The following TXNL4A variants were observed in gnomAD, a reference collection of about 807,000 sequenced individuals.
The protein encoded by TXNL4A is thioredoxin like 4A, also known as thioredoxin-like protein 4A.
Under a neutral mutation model 14.6 loss-of-function variants are expected in TXNL4A, and 17 were observed. The ratio of observed to expected loss-of-function variants is 1.16; its 90% CI spans 0.80 to 1.74. The LOEUF is 1.74. Ranked by LOEUF, TXNL4A falls within the 40% of genes most tolerant of loss-of-function variation. The probability of loss-of-function intolerance (pLI) is 0.00; values close to 1 mark genes in which losing one functional copy is unlikely to be tolerated. For missense variants in TXNL4A, 74 were observed against 195.2 expected (o/e 0.38, Z 3.70); for synonymous variants, 83 against 70.6 (o/e 1.18, Z -0.88).
At chr18:79,978,180 A>G (rs2051408705) in intron 1 of TXNL4A, among the ~76,000 whole-genome samples, 1 of 152,100 alleles carries the variant, frequency 6.6e-6, no homozygotes, top group South Asian at 2.1e-4. Context: ...CACTCAGGTA[A>G]CAAGTTATCA....
rs2145089945 is a variant in TXNL4A at position 79,988,376 on chromosome 18, G to A, written c.17C>T (p.Pro6Leu). Residue 6 changes from proline to leucine, a missense_variant, in exon 1 of 3, where the codon CCG becomes CTG. Pro to Leu is a moderately conservative substitution (Grantham distance 98). This residue lies in a region of TXNL4A where 55 missense variants were observed against 116.1 expected (regional missense o/e 0.47). Coordinates refer to ENST00000269601, the MANE Select transcript of TXNL4A (RefSeq NM_006701.5). ...CACCTGCCAGCCGTTGTGCAGGTGC[G>A]GGAGCATGTACGACATGGCGGCCCG... is the stretch of plus-strand genomic sequence containing the variant. MSYMLPHLHNGWQVDQ... is the reference protein window; with the variant it reads MSYMLLHLHNGWQVDQ... The A allele has an allele frequency of 6.5e-7, 1 of 1,530,282 alleles. No individual in the cohort carries two copies. 94.8% of individuals were successfully genotyped at this position (1,530,282 alleles called of 1,614,324 possible).
chr18:80,021,855 C>G (rs1254242064), intron 1 of TXNL4A, among the ~76,000 whole-genome samples: 1 of 152,140 alleles, frequency 6.6e-6, no homozygotes, highest in Non-Finnish European at 1.5e-5. Context: ...GAATTTGGAC[C>G]AGTATAACAG....
In TXNL4A at chr18:80,015,357, T is replaced by TTATTAG. The variant is rs1226630139; in HGVS notation, c.-61+18493_-61+18494insCTAATA. Reference sequence around the variant, plus strand: ...TAAAACAAAATGCTTTTTTAAAAAATTATTATTATTATTATTATTATACTT... The same window carrying TTATTAG: ...TAAAACAAAATGCTTTTTTAAAAAATTATTAGTATTATTATTATTATTATTATACTT... On this transcript the variant is annotated intron_variant, in intron 1 of 2. Transcript: ENST00000585474. Among the ~76,000 whole-genome samples, 4 of 149,772 alleles carry TTATTAG rather than the reference T, an allele frequency of 2.7e-5. No homozygotes were observed. In the East Asian group the frequency reaches 7.8e-4, roughly 29 times the overall value.
intron 1 of TXNL4A, among the ~76,000 whole-genome samples, chr18:80,017,663 A>T (rs2051821189): frequency 6.7e-6 from 1 of 149,438 alleles, no homozygotes; most frequent in Non-Finnish European, 1.5e-5. Flanking sequence ...GCTGGATTAC[A>T]TTTATTGATT....
At chr18:80,005,837 C>T (rs548776031) in intron 1 of TXNL4A, among the ~76,000 whole-genome samples, 7 of 151,860 alleles carry the variant, frequency 4.6e-5, no homozygotes, top group South Asian at 2.1e-4. Context: ...TTGCTTGAAC[C>T]GCGAGGCAGA....
At chr18:79,977,542 A>AT (rs1476708376) in intron 2 of TXNL4A, 56 bp downstream of exon 2, 1 of 1,381,984 alleles carries the variant, frequency 7.2e-7, no homozygotes, top group South Asian at 1.2e-5. Context: ...TCTTGATTAC[A>AT]TTAAGCTTCC....
chr18:79,980,650 C>A (rs564578803), intron 1 of TXNL4A, among the ~76,000 whole-genome samples: 1 of 152,204 alleles, frequency 6.6e-6, no homozygotes, highest in Non-Finnish European at 1.5e-5. Flanking sequence ...AAAGACTCCA[C>A]TGCCCTTCAG....
chr18:80,025,449 C>A (rs964970916), intron 1 of TXNL4A, among the ~76,000 whole-genome samples: 1 of 152,188 alleles, frequency 6.6e-6, no homozygotes, highest in African/African-American at 2.4e-5. Flanking sequence ...AGGCAGGAAT[C>A]GGACTTCAAA....
In TXNL4A at chr18:80,017,079, T is replaced by G. The variant is rs1384710323; in HGVS notation, c.-61+16772A>C. Among the ~76,000 whole-genome samples, 326 of 149,038 alleles carry G rather than the reference T, an allele frequency of 2.2e-3. 1 individual carries two copies. The highest frequency in any genetic ancestry group is 7.7e-3 in the African/African-American group (316 of 40,828). On this transcript the variant is annotated intron_variant, in intron 1 of 2. Coordinates refer to the TXNL4A transcript ENST00000585474. ...GTTCTCCTTGAAGAGGTCCTTCACA[T>G]CCCTTGTAAGTTGGATTCCTAGGTA... is the stretch of plus-strand genomic sequence containing the variant.
At chr18:80,009,477 C>T (rs60050455) in intron 1 of TXNL4A, among the ~76,000 whole-genome samples, 17,061 of 152,146 alleles carry the variant, frequency 0.11, 1,178 homozygotes, top group East Asian at 0.27. Context: ...TTTGTCAGGA[C>T]GGGACACCAA....
At chr18:79,985,897 T>C (rs1225082693) in intron 1 of TXNL4A, 1 of 152,272 alleles carries the variant, frequency 6.6e-6, no homozygotes, top group Non-Finnish European at 1.5e-5. Flanking sequence ...ATAGTTATAT[T>C]GTTCTTTATA....
intron 1 of TXNL4A, among the ~76,000 whole-genome samples, chr18:80,016,721 T>C (rs2051813179): frequency 6.6e-6 from 1 of 151,638 alleles, no homozygotes. Flanking sequence ...CATTGATCTA[T>C]ATCTCTGTTT....
In TXNL4A at chr18:80,030,793, CCT is replaced by C. The variant is rs1426753864; in HGVS notation, c.-61+3056_-61+3057del. 3.3e-5 allele frequency among the ~76,000 whole-genome samples: 5 copies of C among 152,130 alleles called. No individual in the cohort carries two copies. The South Asian group carries it at 6.2e-4, about 19-fold the overall frequency. ...CCAGGCCTGGTCAACATGGTGAAAC[CCT>C]GTCTCTACTAAAAATGCAAAAATTA... On this transcript the variant is annotated intron_variant, in intron 1 of 2. Transcript: ENST00000585474.
At chr18:79,989,855 G>A (rs1241913623), upstream of TXNL4A, among the ~76,000 whole-genome samples, 1 of 152,182 alleles carries the variant, frequency 6.6e-6, no homozygotes, top group East Asian at 1.9e-4. Flanking sequence ...AATTACCCGG[G>A]CATGGTGGCG....
intron 1 of TXNL4A, among the ~76,000 whole-genome samples, chr18:80,033,443 G>T (rs1046338529): frequency 6.6e-6 from 1 of 152,228 alleles, no homozygotes; most frequent in Non-Finnish European, 1.5e-5. Flanking sequence ...GCTGACTCTG[G>T]GGAGGCGGGC....
Position 80,013,122 on chromosome 18 carries a change from A to T in TXNL4A, c.-61+20729T>A, listed in dbSNP as rs11661509. Among the ~76,000 whole-genome samples the T allele has an allele frequency of 3.9e-3, 375 of 96,142 alleles. 2 individuals are homozygous for T. The highest frequency in any genetic ancestry group is 0.012 in the African/African-American group (318 of 27,514). The allele number at this position is 96,142 out of a possible 152,430, so 63.1% of individuals were successfully genotyped here. A position where few individuals can be genotyped will look rare whatever the true frequency, so the allele number is the denominator to read the frequency against. ...AAAAATTAAAAAAGGAAAAAAAAAA[A>T]TTTTTTTTTTTTTTTTGAGACGGAG... On this transcript the variant is annotated intron_variant, in intron 1 of 2. Transcript: ENST00000585474.
intron 1 of TXNL4A, among the ~76,000 whole-genome samples, chr18:80,027,233 C>T (rs1273972805): frequency 2.0e-5 from 3 of 152,044 alleles, no homozygotes; most frequent in East Asian, 1.9e-4. Flanking sequence ...TAGATGGAAT[C>T]GCCCCTATCA....
intron 2 of TXNL4A, among the ~76,000 whole-genome samples, chr18:79,974,297 C>T (rs141466512): frequency 3.9e-5 from 6 of 152,302 alleles, no homozygotes; most frequent in African/African-American, 1.4e-4. Flanking sequence ...TTTCACAGTG[C>T]TCTTATGAGC....
chr18:80,032,927 C>T (rs1356903482), intron 1 of TXNL4A, among the ~76,000 whole-genome samples: 1 of 122,654 alleles, frequency 8.2e-6, no homozygotes, highest in African/African-American at 2.8e-5. Context: ...TGTTCCCCTA[C>T]CACATTTTGT....
Sources: allele counts gnomAD v4.1 joint callset (sites outside exome capture counted in the v4.1 genomes callset), GRCh38; gene constraint gnomAD v4.1.1; regional missense constraint gnomAD v4.1.1; transcripts MANE v1.5; gene names NCBI Gene and HGNC (gene_info 2026-07-23, HGNC 2026-07-21).